Variants in IQGAP1 observed in about 807,000 individuals in gnomAD.
IQGAP1 encodes ras GTPase-activating-like protein IQGAP1.
In IQGAP1, 66 loss-of-function variants were observed where a neutral mutation model predicts 215.6. That is an observed-to-expected ratio of 0.31 (90% confidence interval 0.25 to 0.38). IQGAP1 has a LOEUF of 0.38. IQGAP1 is among the 10% of genes least tolerant of loss of function. The pLI, the probability that IQGAP1 is intolerant of heterozygous loss-of-function variation, is 1.00. For synonymous variants in IQGAP1, 772 were observed against 728.7 expected (o/e 1.06, Z -0.96); for missense variants, 1,712 against 1,997.1 (o/e 0.86, Z 2.72).
chr15:90,460,399 T>C (rs916139650), intron 15 of IQGAP1, among the ~76,000 whole-genome samples: 2 of 152,174 alleles, frequency 1.3e-5, no homozygotes, highest in African/African-American at 4.8e-5. Context: ...ATAAGGTTTT[T>C]AGTTAGTCTC....
intron 23 of IQGAP1, among the ~76,000 whole-genome samples, chr15:90,476,171 T>A (rs1377836254): frequency 6.6e-6 from 1 of 152,104 alleles, no homozygotes; most frequent in African/African-American, 2.4e-5. Context: ...TGGGCTCAGG[T>A]GATCCTCCTG....
rs1293874459 is a variant in IQGAP1 at position 90,466,095 on chromosome 15, T to C, written c.1867+4T>C. 6.2e-7 allele frequency: 1 copy of C among 1,613,130 alleles called. No individual in the cohort carries two copies. Among genetic ancestry groups the C allele is most frequent in the Non-Finnish European group, 8.5e-7 (1 of 1,179,088 alleles). Reference sequence around the variant, plus strand: ...GACACCCAAGAAGCACAGAAGTGTATGTATCACCTGTTTTATTTCTGTTTT... The same window carrying C: ...GACACCCAAGAAGCACAGAAGTGTACGTATCACCTGTTTTATTTCTGTTTT... On this transcript the variant is annotated splice_donor_region_variant and intron_variant, in intron 16 of 37. Coordinates refer to ENST00000268182, the MANE Select transcript of IQGAP1 (RefSeq NM_003870.4).
intron 37 of IQGAP1, among the ~76,000 whole-genome samples, chr15:90,498,289 A>G (rs1476542539): frequency 1.3e-5 from 2 of 152,238 alleles, no homozygotes; most frequent in East Asian, 3.9e-4. Context: ...GTAGACCATT[A>G]AAACATGTTA....
chr15:90,394,961 G>C (rs1964691628), intron 2 of IQGAP1, among the ~76,000 whole-genome samples: 1 of 152,174 alleles, frequency 6.6e-6, no homozygotes, highest in South Asian at 2.1e-4. Context: ...ATAAGTAAGA[G>C]AGTATAAGTG....
At position 90,486,939 on chromosome 15, in the gene IQGAP1, C is replaced by G. The variant is rs1966135318; in HGVS notation, c.4025-15C>G. The G allele has an allele frequency of 6.2e-7, 1 of 1,612,880 alleles. No homozygotes were observed. The highest frequency in any genetic ancestry group is 8.5e-7 in the Non-Finnish European group (1 of 1,179,232). On this transcript the variant is annotated splice_polypyrimidine_tract_variant and intron_variant, in intron 31 of 37. Coordinates refer to ENST00000268182, the MANE Select transcript of IQGAP1 (RefSeq NM_003870.4). The stretch of plus-strand genomic sequence containing the variant: ...CTTTATTACGCTGACTCTTTCCACC[C>G]TCCCAAAACTTCAGGGGAAAGCTCT...
chr15:90,417,066 C>A (rs1008978128), intron 2 of IQGAP1, among the ~76,000 whole-genome samples: 3 of 152,074 alleles, frequency 2.0e-5, no homozygotes, highest in Admixed American at 6.6e-5. Context: ...TTGTTTGTTT[C>A]TTTTAAATTT....
At chr15:90,400,412 C>G (rs1463766773) in intron 2 of IQGAP1, among the ~76,000 whole-genome samples, 1 of 152,106 alleles carries the variant, frequency 6.6e-6, no homozygotes, top group African/African-American at 2.4e-5. Flanking sequence ...TTTTCCGTCT[C>G]CATTCTTGTT....
chr15:90,418,977 C>T (rs1965093521), intron 2 of IQGAP1, among the ~76,000 whole-genome samples: 1 of 151,988 alleles, frequency 6.6e-6, no homozygotes, highest in South Asian at 2.1e-4. Flanking sequence ...GAAACCCTTT[C>T]TCTACAAAAA....
chr15:90,482,800 C>T (rs1966077749), intron 28 of IQGAP1: 2 of 806,878 alleles, frequency 2.5e-6, no homozygotes, highest in Non-Finnish European at 3.0e-6. Context: ...AATGCTGTGA[C>T]TGCCCCTGAA....
chr15:90,419,080 T>G (rs1158689184), intron 2 of IQGAP1, among the ~76,000 whole-genome samples: 1 of 149,336 alleles, frequency 6.7e-6, no homozygotes, highest in East Asian at 2.0e-4. Context: ...GCTTGAACCC[T>G]GAAAGTCAAG....
intron 9 of IQGAP1, among the ~76,000 whole-genome samples, chr15:90,446,246 C>CTAATT (rs1265723095): frequency 1.3e-5 from 2 of 152,000 alleles, no homozygotes; most frequent in Admixed American, 1.3e-4. Flanking sequence ...TTTTACCTTG[C>CTAATT]TAATTGTATA....
Position 90,474,659 on chromosome 15 carries a change from T to G in IQGAP1, c.2750T>G (p.Ile917Ser). 1 of 1,614,082 alleles carries G rather than the reference T, an allele frequency of 6.2e-7. No homozygotes were observed. Among genetic ancestry groups the G allele is most frequent in the Non-Finnish European group, 8.5e-7 (1 of 1,179,954 alleles). Residue 917 changes from isoleucine (I) to serine (S), a missense_variant, in exon 23 of 38, where the codon ATT becomes AGT. This residue lies in a region of IQGAP1 where 691 missense variants were observed against 923.0 expected (regional missense o/e 0.75). Coordinates refer to ENST00000268182, the MANE Select transcript of IQGAP1 (RefSeq NM_003870.4). ...ENDLNLMDIK[I>S]GLLVKNKITL... Reference sequence around the variant, plus strand: ...GACCTCAATCTCATGGATATCAAAATTGGACTGCTAGTGAAAAATAAGATT... The same window carrying G: ...GACCTCAATCTCATGGATATCAAAAGTGGACTGCTAGTGAAAAATAAGATT...
intron 2 of IQGAP1, among the ~76,000 whole-genome samples, chr15:90,420,477 A>C (rs752890079): frequency 1.1e-4 from 17 of 152,180 alleles, no homozygotes; most frequent in Non-Finnish European, 2.4e-4. Flanking sequence ...GAAATGAACT[A>C]GGTTACCTTG....
intron 2 of IQGAP1, among the ~76,000 whole-genome samples, chr15:90,402,788 GAAAA>G (rs899938765): frequency 8.6e-5 from 13 of 151,082 alleles, no homozygotes; most frequent in African/African-American, 3.2e-4. Flanking sequence ...GAAAAGAAGA[GAAAA>G]AAAACTTACA....
chr15:90,422,456 A>G (rs1440159075), intron 2 of IQGAP1, among the ~76,000 whole-genome samples: 3 of 151,872 alleles, frequency 2.0e-5, no homozygotes, highest in Non-Finnish European at 4.4e-5. Flanking sequence ...CTATTATTTA[A>G]TGGTTGAAAA....
Position 90,485,474 on chromosome 15 carries a change from C to G in IQGAP1, c.3922-556C>G, listed in dbSNP as rs371160085. Among the ~76,000 whole-genome samples the G allele has an allele frequency of 1.4e-4, 22 of 152,162 alleles. 1 individual carries two copies. The South Asian group carries it at 4.2e-3, about 29-fold the overall frequency. The stretch of plus-strand genomic sequence containing the variant: ...TGTTTTTTTGAGATGGAGTCTTGCT[C>G]TGTCACTCAGGCTGGAGTGCAATGG... On this transcript the variant is annotated intron_variant, in intron 30 of 37. Transcript: ENST00000268182.
rs1224934135 is a variant in IQGAP1 at position 90,448,558 on chromosome 15, G to A, written c.914-15G>A. 1.3e-6 allele frequency: 2 copies of A among 1,555,008 alleles called. No individual in the cohort carries two copies. Among genetic ancestry groups the A allele is most frequent in the African/African-American group, 1.4e-5 (1 of 71,924 alleles). ...TAACATAGTCCTTTCACAAGCTTTT[G>A]CCTTTTTTCCTCAGCATTTTCTGCA... On this transcript the variant is annotated splice_polypyrimidine_tract_variant and intron_variant, in intron 9 of 37. Coordinates refer to ENST00000268182, the MANE Select transcript of IQGAP1 (RefSeq NM_003870.4).
chr15:90,469,491 A>C (rs1007657036), intron 18 of IQGAP1, among the ~76,000 whole-genome samples: 16 of 152,320 alleles, frequency 1.1e-4, no homozygotes, highest in Non-Finnish European at 2.4e-4. Flanking sequence ...ATTGCTAATG[A>C]TTTCACAGGT....
Position 90,466,272 on chromosome 15 carries a change from C to T in IQGAP1, c.1871C>T (p.Ala624Val), listed in dbSNP as rs1381380976. 6.2e-7 allele frequency: 1 copy of T among 1,613,994 alleles called. No individual in the cohort carries two copies. Among genetic ancestry groups the T allele is most frequent in the Admixed American group, 1.7e-5 (1 of 60,014 alleles). Residue 624 changes from alanine to valine, a missense_variant, in exon 17 of 38, where the codon GCC becomes GTC. By Grantham distance (64) the Ala-to-Val change is moderately conservative. Transcript: ENST00000268182. The stretch of plus-strand genomic sequence containing the variant: ...TAACAGTTCTTTCCCGAAATAGTTG[C>T]CTTAGGAATCTTTGCCATTAATGAG... Reference protein sequence around the residue: ...NKDTQEAQKFALGIFAINEAV... With the variant: ...NKDTQEAQKFVLGIFAINEAV...
Sources: gnomAD v4.1 joint callset for allele counts (sites outside exome capture counted in the v4.1 genomes callset) on GRCh38, gnomAD v4.1.1 for gene constraint, gnomAD v4.1.1 regional missense constraint, MANE v1.5 for transcripts, NCBI Gene and HGNC (gene_info 2026-07-23, HGNC 2026-07-21) for gene names.